UBTF: variants seen among roughly 807,000 people sequenced by gnomAD.
UBTF encodes upstream binding transcription factor, also known as nucleolar transcription factor 1.
Under a neutral mutation model 112.3 loss-of-function variants are expected in UBTF, and 8 were observed. The ratio of observed to expected loss-of-function variants is 0.07; its 90% confidence interval spans 0.04 to 0.13. The LOEUF (loss-of-function observed/expected upper bound fraction) is 0.13, where lower values mean the gene tolerates loss of function less well. Ranked by LOEUF, UBTF falls within the 10% of genes least tolerant of loss-of-function variation. The pLI, the probability that UBTF is intolerant of heterozygous loss-of-function variation, is 1.00. For missense variants in UBTF, 457 were observed against 982.1 expected (o/e 0.47, Z 7.15); for synonymous variants, 417 against 373.1 (o/e 1.12, Z -1.36).
rs756434915 is a variant in UBTF, at chr17:44,215,651, C to T, written c.474+3G>A. Reference sequence around the variant, plus strand: ...CCTCCCACCTTAACTCTCCTCCCCCCACCTTCTTCTTCTCCGGAAGCTCCT... The same window carrying T: ...CCTCCCACCTTAACTCTCCTCCCCCTACCTTCTTCTTCTCCGGAAGCTCCT... On this transcript the variant is annotated splice_donor_region_variant and intron_variant, in intron 5 of 20. Transcript: ENST00000436088. The T allele has an allele frequency of 2.5e-6, 4 of 1,613,860 alleles. No homozygotes were observed. The highest frequency in any genetic ancestry group is 3.4e-6 in the Non-Finnish European group (4 of 1,179,976).
rs959647722 is a variant in UBTF, at chr17:44,206,832, A to G, written c.*410T>C. The stretch of plus-strand genomic sequence containing the variant: ...CAGGTGGCAGGCCCCTCTGGGAAGG[A>G]ATGGGTCTTCCCCAAGCTTCCACCC... On this transcript the variant is annotated 3_prime_UTR_variant, in exon 21 of 21. Coordinates refer to ENST00000436088, the MANE Select transcript of UBTF (RefSeq NM_014233.4). 2.8e-5 allele frequency: 7 copies of G among 247,440 alleles called. No homozygotes were observed. Among genetic ancestry groups the G allele is most frequent in the Admixed American group, 1.0e-4 (2 of 19,554 alleles). 15.3% of individuals were successfully genotyped at this position (247,440 alleles called of 1,614,324 possible).
At chr17:44,218,103 G>C in intron 2 of UBTF, 69 bp downstream of exon 2, 1 of 1,496,386 alleles carries the variant, frequency 6.7e-7, no homozygotes, top group Non-Finnish European at 9.3e-7. Flanking sequence ...CTTGAAGAAG[G>C]GAGTGAGCCC....
chr17:44,210,533 C>A, intron 13 of UBTF, 60 bp from the exon 14 acceptor site: 8 of 1,490,592 alleles, frequency 5.4e-6, no homozygotes, highest in Non-Finnish European at 6.2e-6. Flanking sequence ...GCGCTCCCCG[C>A]GCAGCAGCCC....
intron 16 of UBTF, 49 bp downstream of exon 16, chr17:44,209,596 G>A: frequency 1.2e-6 from 2 of 1,613,912 alleles, no homozygotes; most frequent in African/African-American, 2.7e-5. Context: ...CAGCCATCCA[G>A]CCCTGACCCT....
chr17:44,221,055 C>G (rs2047164803), upstream of UBTF: 1 of 151,108 alleles, frequency 6.6e-6, no homozygotes, highest in Non-Finnish European at 1.5e-5. Context: ...GCGGCTCAGC[C>G]TCACCCCTTC....
chr17:44,206,425 C>CACAT lies in UBTF; in HGVS notation c.*816_*817insATGT, dbSNP rs982853548. ...GGACAGACCCCTTTACACACACACA[C>CACAT]ACACACTCACACTCTTTTGCACACA... On this transcript the variant is annotated 3_prime_UTR_variant, in exon 21 of 21. Coordinates refer to ENST00000436088, the MANE Select transcript of UBTF (RefSeq NM_014233.4). The CACAT allele has an allele frequency of 6.6e-6, 1 of 150,548 alleles. No homozygotes were observed. Among genetic ancestry groups the CACAT allele is most frequent in the African/African-American group, 2.5e-5 (1 of 40,484 alleles). The allele number at this position is 150,548 out of a possible 1,614,324, so 9.3% of individuals were successfully genotyped here. A position where few individuals can be genotyped will look rare whatever the true frequency, so the allele number is the denominator to read the frequency against.
In UBTF at chr17:44,216,531, C is replaced by G; in HGVS notation, c.232G>C (p.Glu78Gln). 1 of 1,614,184 alleles carries G rather than the reference C, an allele frequency of 6.2e-7. No homozygotes were observed. The highest frequency in any genetic ancestry group is 8.5e-7 in the Non-Finnish European group (1 of 1,180,006). Residue 78 changes from glutamate to glutamine, a missense_variant and splice_region_variant, in exon 3 of 21, where the codon GAG becomes CAG. Glu to Gln is a conservative substitution (Grantham distance 29, BLOSUM62 2). Transcript: ENST00000436088. Reference sequence around the variant, plus strand: ...GTCAGAAAAGGGGGATCAGTTACCTCATTAGAAATCTCCACCCATTTGAGC... The same window carrying G: ...GTCAGAAAAGGGGGATCAGTTACCTGATTAGAAATCTCCACCCATTTGAGC... ...CKLKWVEISNEVRKFRTLTEL... is the reference protein window; with the variant it reads ...CKLKWVEISNQVRKFRTLTEL...
At position 44,216,556 on chromosome 17, in the gene UBTF, C is replaced by T. The variant is rs1157131651; in HGVS notation, c.207G>A (p.Lys69=). Residue 69 remains lysine (K), a synonymous_variant, in exon 3 of 21, where the codon AAG becomes AAA. Coordinates refer to ENST00000436088, the MANE Select transcript of UBTF (RefSeq NM_014233.4). ...CATTAGAAATCTCCACCCATTTGAG[C>T]TTGCACATGTCTCCAGAAAAGTCTT... ...AFKDFSGDMC[K]LKWVEISNEV... 1 of 1,614,100 alleles carries T rather than the reference C, an allele frequency of 6.2e-7. No individual in the cohort carries two copies. The highest frequency in any genetic ancestry group is 1.3e-5 in the African/African-American group (1 of 74,926).
In UBTF at chr17:44,210,121, T is replaced by C. The variant is rs1403948774; in HGVS notation, c.1626+3A>G. 1.2e-6 allele frequency: 2 copies of C among 1,614,222 alleles called. No homozygotes were observed. The highest frequency in any genetic ancestry group is 2.2e-5 in the East Asian group (1 of 44,878). ...AATGGGGTGGCCCCAGCCCCATTCCTACCTCATATCGCTTTTGGTCTTCGG... is the reference window on the plus strand; with the variant it reads ...AATGGGGTGGCCCCAGCCCCATTCCCACCTCATATCGCTTTTGGTCTTCGG... On this transcript the variant is annotated splice_donor_region_variant and intron_variant, in intron 15 of 20. Coordinates refer to ENST00000436088, the MANE Select transcript of UBTF (RefSeq NM_014233.4).
At chr17:44,213,406 G>A (rs780967485) in intron 5 of UBTF, 124 bp from the exon 6 acceptor site, 6 of 1,076,540 alleles carry the variant, frequency 5.6e-6, no homozygotes, top group South Asian at 1.6e-5. Context: ...GGGAGTGGAG[G>A]CTGGCGCCCT....
At chr17:44,212,156 C>T (rs2056725977) in intron 8 of UBTF, 150 bp from the exon 9 acceptor site, 1 of 728,724 alleles carries the variant, frequency 1.4e-6, no homozygotes, top group Non-Finnish European at 2.2e-6. Flanking sequence ...GTGCCCTGCC[C>T]TGCCCTAGCC....
chr17:44,207,258 T>C lies in UBTF; in HGVS notation c.2279A>G (p.Asp760Gly). The C allele has an allele frequency of 6.2e-7, 1 of 1,613,414 alleles. No homozygotes were observed. ...SSSSSSGDSS[D>G]SDSN ...GGCTGAGCCTCAGTTGGAGTCAGAG[T>C]CTGAGGAGTCCCCTGAGGAGGAGGA... The change falls in exon 21 of 21, where the codon GAC becomes GGC. Residue 760 changes from aspartate to glycine, a missense_variant. By Grantham distance (94) the Asp-to-Gly change is moderately conservative. This residue lies in a region of UBTF where 139 missense variants were observed against 157.5 expected (regional missense o/e 0.88). Coordinates refer to ENST00000436088, the MANE Select transcript of UBTF (RefSeq NM_014233.4).
chr17:44,211,102 C>T lies in UBTF; in HGVS notation c.1140G>A (p.Leu380=). Residue 380 remains leucine (L), a synonymous_variant, in exon 12 of 21, where the codon CTG becomes CTA. Coordinates refer to ENST00000436088, the MANE Select transcript of UBTF (RefSeq NM_014233.4). The surrounding 1 kb of genome is among the most constrained non-coding windows in gnomAD (Gnocchi z 4.9). ...QQRVLGEEKM[L]NINKKQATSP... The stretch of plus-strand genomic sequence containing the variant: ...TGGTGGCCTGCTTCTTGTTGATGTT[C>T]AGCATCTTCTCTTCCCCCAAGACCC... 1 of 1,613,162 alleles carries T rather than the reference C, an allele frequency of 6.2e-7. No homozygotes were observed. Among genetic ancestry groups the T allele is most frequent in the East Asian group, 2.2e-5 (1 of 44,884 alleles).
intron 5 of UBTF, among the ~76,000 whole-genome samples, chr17:44,213,975 CCTT>C (rs956845481): frequency 1.3e-5 from 2 of 152,076 alleles, no homozygotes; most frequent in Non-Finnish European, 2.9e-5. Flanking sequence ...TTCATCACCC[CCTT>C]TTTAGCCTCC....
rs1398490189 is a variant in UBTF, at chr17:44,210,968, G to C, written c.1204-21C>G. The C allele has an allele frequency of 3.1e-6, 5 of 1,600,770 alleles. No individual in the cohort carries two copies. In the African/African-American group the frequency reaches 6.7e-5, roughly 21 times the overall value. ...CCGCCCTGTCCAGGTGCAGAGGGTC[G>C]GGGTCCGTGGGTGCTGCCAGGGAGC... On this transcript the variant is annotated intron_variant, in intron 12 of 20. Coordinates refer to ENST00000436088, the MANE Select transcript of UBTF (RefSeq NM_014233.4).
rs374807973 is a variant in UBTF, at chr17:44,209,560, G to A, written c.1716-19C>T. The A allele has an allele frequency of 5.1e-5, 82 of 1,611,890 alleles. 1 individual carries two copies. In the Middle Eastern group the frequency reaches 1.2e-3, roughly 23 times the overall value. ...ACCGTTCCTGGGAGGTGGGTTGGTA[G>A]AAGGAGGGTCAGGACCCCAACAAAG... On this transcript the variant is annotated intron_variant, in intron 16 of 20. Coordinates refer to ENST00000436088, the MANE Select transcript of UBTF (RefSeq NM_014233.4).
At position 44,216,732 on chromosome 17, in the gene UBTF, G is replaced by C. The variant is rs767635297; in HGVS notation, c.59-28C>G. 6.2e-6 allele frequency: 10 copies of C among 1,611,866 alleles called. No homozygotes were observed. In the South Asian group the frequency reaches 9.9e-5, roughly 16 times the overall value. ...GGTAAAGAGTAACAGAGGCCATCAT[G>C]CCTGGCTCATGCTATCCCCCCGATC... is the stretch of plus-strand genomic sequence containing the variant. On this transcript the variant is annotated intron_variant, in intron 2 of 20. Transcript: ENST00000436088.
rs148052296 is a variant in UBTF, at chr17:44,210,447, C to T, written c.1386G>A (p.Ala462=). 2 of 1,612,212 alleles carry T rather than the reference C, an allele frequency of 1.2e-6. No individual in the cohort carries two copies. Among genetic ancestry groups the T allele is most frequent in the South Asian group, 1.1e-5 (1 of 91,030 alleles). Residue 462 remains alanine, a synonymous_variant, in exon 14 of 21, where the codon GCG becomes GCA. Coordinates refer to ENST00000436088, the MANE Select transcript of UBTF (RefSeq NM_014233.4). The part of the protein sequence containing the change: ...KKAKYKAREA[A]LKAQSERKPG... ...GCTTCCTCTCCGACTGAGCCTTGAG[C>T]GCCGCCTCTCGGGCCTTGTACTTGG...
At position 44,211,748 on chromosome 17, in the gene UBTF, C is replaced by A; in HGVS notation, c.906-1G>T. On this transcript the variant is annotated splice_acceptor_variant, in intron 9 of 20. Coordinates refer to ENST00000436088, the MANE Select transcript of UBTF (RefSeq NM_014233.4). LOFTEE classifies it high-confidence loss of function. The surrounding 1 kb of genome is among the most constrained non-coding windows in gnomAD (Gnocchi z 4.9). Reference sequence around the variant, plus strand: ...TGCGCAGTACAGCGAGTAGCTGTTCCTATCAGAGCCGCGGGGAGAGAGGTG... The same window carrying A: ...TGCGCAGTACAGCGAGTAGCTGTTCATATCAGAGCCGCGGGGAGAGAGGTG... 6.2e-7 allele frequency: 1 copy of A among 1,605,212 alleles called. No individual in the cohort carries two copies.
Sources: allele counts gnomAD v4.1 joint callset (sites outside exome capture counted in the v4.1 genomes callset), GRCh38; gene constraint gnomAD v4.1.1; regional missense constraint gnomAD v4.1.1; non-coding constraint Gnocchi (gnomAD v3.1); transcripts MANE v1.5; gene names NCBI Gene and HGNC (gene_info 2026-07-23, HGNC 2026-07-21).